The following PPP2R2B variants were observed in gnomAD, a reference collection of about 807,000 sequenced individuals.
PPP2R2B encodes serine/threonine-protein phosphatase 2A 55 kDa regulatory subunit B beta isoform.
A neutral mutation model predicts 46.0 loss-of-function variants in PPP2R2B; 5 were observed. The ratio of observed to expected loss-of-function variants is 0.11; its 90% confidence interval spans 0.06 to 0.23. PPP2R2B has a LOEUF of 0.23. Among genes scored for constraint, PPP2R2B ranks in the 10% least tolerant of loss-of-function variants. PPP2R2B has a pLI of 1.00. For synonymous variants in PPP2R2B, 215 were observed against 206.7 expected, an observed-to-expected ratio of 1.04 and a Z score of -0.34; for missense variants, 367 against 575.0, an observed-to-expected ratio of 0.64 and a Z score of 3.70.
intron 2 of PPP2R2B, among the ~76,000 whole-genome samples, chr5:146,709,609 G>C (rs1287179565): frequency 6.6e-6 from 1 of 152,188 alleles, no homozygotes; most frequent in Non-Finnish European, 1.5e-5. Flanking sequence ...CCTTCTGACC[G>C]GACTCTTCAT....
At chr5:146,886,516 A>C (rs770043000) in intron 1 of PPP2R2B, among the ~76,000 whole-genome samples, 5 of 152,126 alleles carry the variant, frequency 3.3e-5, no homozygotes, top group Non-Finnish European at 7.4e-5. Context: ...AAAGATAAAA[A>C]TATCATCACC....
intron 7 of PPP2R2B, among the ~76,000 whole-genome samples, chr5:146,624,302 T>C (rs1269126501): frequency 6.6e-6 from 1 of 152,174 alleles, no homozygotes; most frequent in Non-Finnish European, 1.5e-5. Flanking sequence ...ATTTGTAAAT[T>C]TCCCCTGCAA....
intron 4 of PPP2R2B, 93 bp from the exon 5 acceptor site, chr5:146,691,333 G>A: frequency 1.0e-6 from 1 of 961,304 alleles, no homozygotes. Context: ...GAAGAGGTAA[G>A]GATGGATAGA....
chr5:146,655,304 G>T (rs1170461010), intron 5 of PPP2R2B, among the ~76,000 whole-genome samples: 8 of 152,178 alleles, frequency 5.3e-5, no homozygotes, highest in Non-Finnish European at 1.2e-4. Flanking sequence ...AGCTTACAGA[G>T]ATATATTTCA....
chr5:146,836,212 G>A (rs61627537), intron 2 of PPP2R2B, among the ~76,000 whole-genome samples: 3,500 of 152,100 alleles, frequency 0.023, 36 homozygotes, highest in Middle Eastern at 0.045. Context: ...TATGTCACTG[G>A]TTACGTTTTC....
intron 5 of PPP2R2B, among the ~76,000 whole-genome samples, chr5:146,652,496 TACTG>T (rs1408722606): frequency 1.2e-3 from 185 of 152,092 alleles, no homozygotes; most frequent in Non-Finnish European, 2.2e-3. Flanking sequence ...AGAGAGGATA[TACTG>T]CCAAGAGGGA....
chr5:146,755,763 T>C (rs1753797252), intron 2 of PPP2R2B, among the ~76,000 whole-genome samples: 2 of 152,152 alleles, frequency 1.3e-5, no homozygotes, highest in African/African-American at 4.8e-5. Context: ...CTTTTAGGCT[T>C]GTGCTAATTT....
At chr5:147,019,121 T>G (rs1011616652) in intron 1 of PPP2R2B, among the ~76,000 whole-genome samples, 6 of 152,164 alleles carry the variant, frequency 3.9e-5, no homozygotes, top group African/African-American at 1.4e-4. Context: ...TGGCACTTAG[T>G]TAGAAATGTA....
At chr5:146,701,021 C>T (rs372219228) in intron 3 of PPP2R2B, 24 bp downstream of exon 3, 10 of 1,567,468 alleles carry the variant, frequency 6.4e-6, no homozygotes, top group African/African-American at 4.1e-5. Context: ...AGAAAATGGG[C>T]ATTTTGCATT....
At chr5:146,915,117 C>T (rs1447576730) in intron 1 of PPP2R2B, among the ~76,000 whole-genome samples, 1 of 152,184 alleles carries the variant, frequency 6.6e-6, no homozygotes, top group Non-Finnish European at 1.5e-5. Context: ...TACTACCAGT[C>T]TGGTCCAAGC....
chr5:146,993,337 GGT>G (rs1300652644), intron 1 of PPP2R2B, among the ~76,000 whole-genome samples: 21 of 152,174 alleles, frequency 1.4e-4, no homozygotes, highest in Admixed American at 1.2e-3. Flanking sequence ...CTGCCTCCTA[GGT>G]TTGAGCAATC....
intron 8 of PPP2R2B, among the ~76,000 whole-genome samples, chr5:146,598,522 AAG>A (rs1771445145): frequency 6.6e-6 from 1 of 152,172 alleles, no homozygotes; most frequent in Non-Finnish European, 1.5e-5. Context: ...ACTCACATTG[AAG>A]TGTCTACCTG....
chr5:146,859,418 G>A (rs746481337), intron 2 of PPP2R2B, among the ~76,000 whole-genome samples: 2 of 152,170 alleles, frequency 1.3e-5, no homozygotes, highest in Non-Finnish European at 2.9e-5. Flanking sequence ...AGAGGAAGGG[G>A]CAATTCTTAA....
chr5:146,804,020 AGAC>A (rs1299783270), intron 2 of PPP2R2B, among the ~76,000 whole-genome samples: 4 of 152,032 alleles, frequency 2.6e-5, no homozygotes, highest in Admixed American at 1.3e-4. Flanking sequence ...AAAAAAAATT[AGAC>A]GGGCGTGGTG....
intron 2 of PPP2R2B, among the ~76,000 whole-genome samples, chr5:146,711,807 G>T (rs1043212137): frequency 7.9e-5 from 12 of 152,114 alleles, no homozygotes; most frequent in African/African-American, 2.7e-4. Flanking sequence ...ATGGGAGGTT[G>T]GGATACAAGT....
intron 5 of PPP2R2B, among the ~76,000 whole-genome samples, chr5:146,684,270 G>T (rs751822280): frequency 2.0e-5 from 3 of 152,196 alleles, no homozygotes; most frequent in Non-Finnish European, 4.4e-5. Context: ...TGTCCTAAGA[G>T]GCCTCAGTTA....
Position 146,589,714 on chromosome 5 carries a change from C to A in PPP2R2B, c.*233G>T. The A allele has an allele frequency of 2.0e-6, 1 of 501,106 alleles. No homozygotes were observed. The highest frequency in any genetic ancestry group is 5.3e-4 in the Middle Eastern group (1 of 1,886). The allele number at this position is 501,106 out of a possible 1,614,324, so 31.0% of individuals were successfully genotyped here. A position where few individuals can be genotyped will look rare whatever the true frequency, so the allele number is the denominator to read the frequency against. ...GTTCAAGTCAACTATGGAAGAATTA[C>A]TGTTAGCTGGCAGCTTTCAATTCTA... On this transcript the variant is annotated 3_prime_UTR_variant, in exon 10 of 10. Transcript: ENST00000394411.
intron 5 of PPP2R2B, among the ~76,000 whole-genome samples, chr5:146,690,569 T>C (rs1778787786): frequency 6.6e-6 from 1 of 152,206 alleles, no homozygotes; most frequent in African/African-American, 2.4e-5. Context: ...GGACCAGCCA[T>C]AGAGGAAGGG....
chr5:146,792,481 G>A (rs1756261353), intron 2 of PPP2R2B, among the ~76,000 whole-genome samples: 1 of 152,096 alleles, frequency 6.6e-6, no homozygotes, highest in African/African-American at 2.4e-5. Flanking sequence ...GTGTCCTTTT[G>A]GAACACAGAT....
Sources: gnomAD v4.1 joint callset for allele counts (sites outside exome capture counted in the v4.1 genomes callset) on GRCh38, gnomAD v4.1.1 for gene constraint, MANE v1.5 for transcripts, NCBI Gene and HGNC (gene_info 2026-07-23, HGNC 2026-07-21) for gene names.